Variants in EFR3A observed in about 807,000 individuals in gnomAD.
The protein encoded by EFR3A is EFR3 homolog A, also known as protein EFR3 homolog A.
In EFR3A, 76 loss-of-function variants were observed where a neutral mutation model predicts 104.4. The observed-to-expected ratio is 0.73, with a 90% CI of 0.60 to 0.88. The LOEUF is 0.88. Ranked by LOEUF, EFR3A falls within the 40% of genes least tolerant of loss-of-function variation. The pLI is 0.00. For missense variants in EFR3A, 985 were observed against 1,012.5 expected (o/e 0.97, Z 0.37); for synonymous variants, 330 against 330.0 (o/e 1.00, Z 0.00).
At chr8:131,986,336 A>G (rs1820879653) in intron 17 of EFR3A, 75 bp downstream of exon 17, 1 of 688,166 alleles carries the variant, frequency 1.5e-6, no homozygotes, top group Non-Finnish European at 2.4e-6. Flanking sequence ...TAAAGGAGTA[A>G]ATATTGTTAC....
chr8:131,989,307 C>T (rs1189420949), intron 18 of EFR3A, among the ~76,000 whole-genome samples: 1 of 152,090 alleles, frequency 6.6e-6, no homozygotes, highest in Non-Finnish European at 1.5e-5. Context: ...GATTTAAGAA[C>T]AATGTATTAA....
chr8:131,951,048 A>C lies in EFR3A; in HGVS notation c.488+958A>C, dbSNP rs74490872. ...AGAGTTACTGTGGGCAGTTGATAAGATATAGCATGCTTTATAACTTTTACT... is the reference window on the plus strand; with the variant it reads ...AGAGTTACTGTGGGCAGTTGATAAGCTATAGCATGCTTTATAACTTTTACT... On this transcript the variant is annotated intron_variant, in intron 5 of 22. Coordinates refer to ENST00000254624, the MANE Select transcript of EFR3A (RefSeq NM_015137.6). Among the ~76,000 whole-genome samples the C allele has an allele frequency of 6.9e-3, 1,054 of 152,288 alleles. 33 individuals carry two copies. The highest frequency in any genetic ancestry group is 0.06 in the East Asian group (308 of 5,164).
intron 1 of EFR3A, among the ~76,000 whole-genome samples, chr8:131,911,390 G>T (rs182890720): frequency 6.6e-6 from 1 of 152,064 alleles, no homozygotes; most frequent in Non-Finnish European, 1.5e-5. Context: ...TCTAAAATTG[G>T]TATCTATGAA....
intron 6 of EFR3A, 70 bp from the exon 7 acceptor site, chr8:131,955,698 A>C: frequency 1.3e-6 from 2 of 1,495,458 alleles, no homozygotes; most frequent in Admixed American, 2.2e-5. Context: ...CTAAAAAGTA[A>C]AGTATATTTT....
chr8:131,980,417 TAATA>T (rs1820548796), intron 14 of EFR3A, among the ~76,000 whole-genome samples: 1 of 152,124 alleles, frequency 6.6e-6, no homozygotes, highest in Non-Finnish European at 1.5e-5. Context: ...AAAAACTGGT[TAATA>T]AATAGGACAG....
chr8:131,978,327 G>A (rs557892576), intron 12 of EFR3A, among the ~76,000 whole-genome samples: 163 of 152,216 alleles, frequency 1.1e-3, no homozygotes, highest in Admixed American at 2.5e-3. Context: ...AGAAGATATT[G>A]ACGTACTCTT....
At chr8:131,978,715 C>A in intron 12 of EFR3A, 132 bp from the exon 13 acceptor site, 5 of 700,122 alleles carry the variant, frequency 7.1e-6, no homozygotes, top group South Asian at 7.2e-5. Context: ...TTGCACATTT[C>A]TTTTATGTCT....
At chr8:131,940,359 G>A in intron 1 of EFR3A, 140 bp from the exon 2 acceptor site, 1 of 795,716 alleles carries the variant, frequency 1.3e-6, no homozygotes, top group Non-Finnish European at 1.9e-6. Context: ...CTTAATCACT[G>A]ATTACATTTG....
chr8:131,953,249 T>C (rs1047675263), intron 5 of EFR3A, among the ~76,000 whole-genome samples: 1 of 152,222 alleles, frequency 6.6e-6, no homozygotes, highest in African/African-American at 2.4e-5. Flanking sequence ...CAGATTATTA[T>C]ATGATAATGT....
chr8:131,939,283 G>A (rs1009593192), intron 1 of EFR3A, among the ~76,000 whole-genome samples: 2 of 152,070 alleles, frequency 1.3e-5, no homozygotes, highest in African/African-American at 4.8e-5. Context: ...CCAGCTGGAC[G>A]GAGGGAGACT....
chr8:132,010,963 G>T lies in EFR3A; in HGVS notation c.*68G>T, dbSNP rs1822316763. 1 of 1,479,824 alleles carries T rather than the reference G, an allele frequency of 6.8e-7. No homozygotes were observed. The highest frequency in any genetic ancestry group is 2.4e-5 in the East Asian group (1 of 42,310). 91.7% of individuals were successfully genotyped at this position (1,479,824 alleles called of 1,614,324 possible). ...AATTAAGGCCAAGCTGAGCTTTCAG[G>T]GTTTACTTAATGTGTATTAACATAC... On this transcript the variant is annotated 3_prime_UTR_variant, in exon 23 of 23. Transcript: ENST00000254624.
intron 1 of EFR3A, 74 bp from the exon 2 acceptor site, chr8:131,940,425 C>G: frequency 7.2e-7 from 1 of 1,393,884 alleles, no homozygotes. Context: ...CATTAATATT[C>G]AGAAACTTGA....
chr8:131,904,713 G>T (rs965950006), intron 1 of EFR3A, among the ~76,000 whole-genome samples: 3 of 152,206 alleles, frequency 2.0e-5, no homozygotes, highest in Non-Finnish European at 4.4e-5. Flanking sequence ...GCCGGACGTC[G>T]CTAGTGGACG....
intron 6 of EFR3A, 39 bp downstream of exon 6, chr8:131,954,006 T>A (rs1258940119): frequency 1.4e-6 from 2 of 1,472,930 alleles, no homozygotes; most frequent in Non-Finnish European, 1.8e-6. Context: ...AGTGTTACTT[T>A]TATATATATG....
chr8:131,952,765 A>G (rs545406132), intron 5 of EFR3A, among the ~76,000 whole-genome samples: 14 of 152,274 alleles, frequency 9.2e-5, no homozygotes, highest in African/African-American at 3.1e-4. Context: ...CCTGTTCAGT[A>G]TCATATTACT....
intron 8 of EFR3A, among the ~76,000 whole-genome samples, 176 bp from the exon 9 acceptor site, chr8:131,968,119 G>A (rs1234427593): frequency 3.3e-5 from 5 of 151,982 alleles, no homozygotes; most frequent in African/African-American, 9.6e-5. Flanking sequence ...ATATTTTCCA[G>A]CATCTCTGTT....
intron 18 of EFR3A, among the ~76,000 whole-genome samples, chr8:131,991,466 G>A (rs1323470303): frequency 1.3e-5 from 2 of 152,176 alleles, no homozygotes; most frequent in Non-Finnish European, 2.9e-5. Context: ...GAAATGAATA[G>A]GAAAAAGTGG....
At chr8:131,945,424 T>C (rs895155623) in intron 3 of EFR3A, among the ~76,000 whole-genome samples, 1 of 152,026 alleles carries the variant, frequency 6.6e-6, no homozygotes, top group African/African-American at 2.4e-5. Flanking sequence ...CAAACAATAA[T>C]AACTTTGCAA....
intron 8 of EFR3A, among the ~76,000 whole-genome samples, chr8:131,962,873 CA>C (rs1489522003): frequency 9.2e-5 from 14 of 152,220 alleles, no homozygotes. Flanking sequence ...AACTGTCTCT[CA>C]GACCACAATG....
Sources: allele counts gnomAD v4.1 joint callset (sites outside exome capture counted in the v4.1 genomes callset), GRCh38; gene constraint gnomAD v4.1.1; transcripts MANE v1.5; gene names NCBI Gene and HGNC (gene_info 2026-07-23, HGNC 2026-07-21).